Variants in ZNF669 observed in about 807,000 individuals in gnomAD.
The protein encoded by ZNF669 is zinc finger protein 669.
ZNF669 carries 7 observed loss-of-function variants against 11.4 expected under a neutral mutation model. The ratio of observed to expected loss-of-function variants is 0.62; its 90% CI spans 0.35 to 1.16. The LOEUF (loss-of-function observed/expected upper bound fraction) is 1.16, where lower values mean the gene tolerates loss of function less well. Ranked by LOEUF, ZNF669 falls within the 50% of genes most tolerant of loss-of-function variation. The pLI, the probability that ZNF669 is intolerant of heterozygous loss-of-function variation, is 0.02. For synonymous variants in ZNF669, 153 were observed against 155.8 expected (o/e 0.98, Z 0.13); for missense variants, 492 against 463.6 (o/e 1.06, Z -0.56).
Position 247,100,544 on chromosome 1 carries a change from C to T in ZNF669, c.967G>A (p.Glu323Lys), listed in dbSNP as rs781046361. 2.5e-5 allele frequency: 41 copies of T among 1,614,186 alleles called. No individual in the cohort carries two copies. Among genetic ancestry groups the T allele is most frequent in the Middle Eastern group, 3.3e-4 (2 of 6,058 alleles). ...GGTTTTTCTCCAGTATGAATTCTTTCGTGGAGGTGAAGGGAACTGAGGCGA... is the reference window on the plus strand; with the variant it reads ...GGTTTTTCTCCAGTATGAATTCTTTTGTGGAGGTGAAGGGAACTGAGGCGA... Reference protein sequence around the residue: ...FSRLSSLHLHERIHTGEKPYE... With the variant: ...FSRLSSLHLHKRIHTGEKPYE... The change falls in exon 4 of 4, where the codon GAA (glutamate) becomes AAA (lysine). Residue 323 changes from glutamate (E) to lysine (K), a missense_variant. Physicochemically the swap from Glu to Lys is moderately conservative, Grantham distance 56 (BLOSUM62 1). Coordinates refer to ENST00000448299, the MANE Select transcript of ZNF669 (RefSeq NM_001142572.2).
At chr1:247,103,117 C>T (rs1178306890) in intron 1 of ZNF669, among the ~76,000 whole-genome samples, 1 of 151,990 alleles carries the variant, frequency 6.6e-6, no homozygotes, top group Non-Finnish European at 1.5e-5. Context: ...GATTTTCAAC[C>T]AAAAATATTC....
chr1:247,102,043 T>G lies in ZNF669; in HGVS notation c.74A>C (p.Gln25Pro). Reference sequence around the variant, plus strand: ...CATCACTTCTCTGTAGAGATTCTTCTGAGAAGAATCTAGCAAAGCCCATTC... The same window carrying G: ...CATCACTTCTCTGTAGAGATTCTTCGGAGAAGAATCTAGCAAAGCCCATTC... ...QEEWALLDSSQKNLYREVMQE... is the reference protein window; with the variant it reads ...QEEWALLDSSPKNLYREVMQE... Residue 25 changes from glutamine to proline, a missense_variant, in exon 2 of 4, where the codon CAG becomes CCG. Physicochemically the swap from Gln to Pro is moderately conservative, Grantham distance 76. Coordinates refer to ENST00000448299, the MANE Select transcript of ZNF669 (RefSeq NM_001142572.2). The G allele has an allele frequency of 6.2e-7, 1 of 1,613,564 alleles. No individual in the cohort carries two copies. The highest frequency in any genetic ancestry group is 2.2e-5 in the East Asian group (1 of 44,880).
In ZNF669 at chr1:247,101,931, G is replaced by A. The variant is rs937028764; in HGVS notation, c.130+56C>T. The A allele has an allele frequency of 3.4e-5, 54 of 1,611,522 alleles. No individual in the cohort carries two copies. In the Admixed American group the frequency reaches 3.8e-4, roughly 11 times the overall value. Reference sequence around the variant, plus strand: ...CTTGCCACATTCCAAATCATAAATAGCACTGATGATAGGGAAAGACTTCTG... The same window carrying A: ...CTTGCCACATTCCAAATCATAAATAACACTGATGATAGGGAAAGACTTCTG... On this transcript the variant is annotated intron_variant, in intron 2 of 3. Transcript: ENST00000448299.
chr1:247,102,027 T>C lies in ZNF669; in HGVS notation c.90A>G (p.Arg30=). ...LLDSSQKNLY[R]EVMQETCRNL... The stretch of plus-strand genomic sequence containing the variant: ...TCCTGCAGGTTTCCTGCATCACTTC[T>C]CTGTAGAGATTCTTCTGAGAAGAAT... The change falls in exon 2 of 4, where the codon AGA becomes AGG. Residue 30 remains arginine (R), a synonymous_variant. Coordinates refer to ENST00000448299, the MANE Select transcript of ZNF669 (RefSeq NM_001142572.2). The C allele has an allele frequency of 6.2e-7, 1 of 1,613,868 alleles. No individual in the cohort carries two copies. The highest frequency in any genetic ancestry group is 8.5e-7 in the Non-Finnish European group (1 of 1,179,896).
chr1:247,102,146 G>A (rs1372601193), intron 1 of ZNF669, 33 bp from the exon 2 acceptor site: 2 of 1,546,092 alleles, frequency 1.3e-6, no homozygotes, highest in African/African-American at 1.4e-5. Flanking sequence ...ATAGAAGGAT[G>A]GGTGAGACTG....
Position 247,101,763 on chromosome 1 carries a change from T to G in ZNF669, c.159A>C (p.Glu53Asp), listed in dbSNP as rs138144212. 21 of 1,613,952 alleles carry G rather than the reference T, an allele frequency of 1.3e-5. No homozygotes were observed. The African/African-American group carries it at 2.5e-4, about 19-fold the overall frequency. ...CTTTCCCAGGTTTTTCGAAGTGATC[T>G]TCAATATTCTGGTCTTTCCATTGGC... ...VGSQWKDQNI[E>D]DHFEKPGKDI... The change falls in exon 3 of 4, where the codon GAA becomes GAC. Residue 53 changes from glutamate to aspartate, a missense_variant. Physicochemically the swap from Glu to Asp is conservative, Grantham distance 45. Transcript: ENST00000448299.
At chr1:247,101,364 T>A in intron 3 of ZNF669, 45 bp from the exon 4 acceptor site, 4 of 1,510,748 alleles carry the variant, frequency 2.6e-6, no homozygotes, top group Non-Finnish European at 3.5e-6. Context: ...GGTTTATTAA[T>A]AACTTTCTAC....
chr1:247,102,198 TG>T, intron 1 of ZNF669, 85 bp from the exon 2 acceptor site: 1 of 1,464,642 alleles, frequency 6.8e-7, no homozygotes, highest in East Asian at 2.3e-5. Flanking sequence ...GCTGTTTACA[TG>T]ATTTGATAAT....
In ZNF669 at chr1:247,100,867, G is replaced by C. The variant is rs1439262232; in HGVS notation, c.644C>G (p.Thr215Ser). Residue 215 changes from threonine to serine, a missense_variant, in exon 4 of 4, where the codon ACT becomes AGT. Thr to Ser is a moderately conservative substitution (Grantham distance 58). Coordinates refer to ENST00000448299, the MANE Select transcript of ZNF669 (RefSeq NM_001142572.2). ...CTTACATTCGTAGGGTTTCTCTCCAGTGTGAGTTCGTTCATGTATTAGACA... is the reference window on the plus strand; with the variant it reads ...CTTACATTCGTAGGGTTTCTCTCCACTGTGAGTTCGTTCATGTATTAGACA... ...GSCLIHERTH[T>S]GEKPYECKEC... is the part of the protein sequence containing the mutation. 13 of 1,614,058 alleles carry C rather than the reference G, an allele frequency of 8.1e-6. No homozygotes were observed. Among genetic ancestry groups the C allele is most frequent in the African/African-American group, 4.0e-5 (3 of 74,932 alleles).
At position 247,100,535 on chromosome 1, in the gene ZNF669, G is replaced by C; in HGVS notation, c.976C>G (p.His326Asp). ...LSSLHLHERI[H>D]TGEKPYECKK... ...CATTCATAGGGTTTTTCTCCAGTAT[G>C]AATTCTTTCGTGGAGGTGAAGGGAA... The change falls in exon 4 of 4, where the codon CAT becomes GAT. Residue 326 changes from histidine (H) to aspartate (D), a missense_variant. Coordinates refer to ENST00000448299, the MANE Select transcript of ZNF669 (RefSeq NM_001142572.2). 1 of 1,614,244 alleles carries C rather than the reference G, an allele frequency of 6.2e-7. No individual in the cohort carries two copies. The highest frequency in any genetic ancestry group is 8.5e-7 in the Non-Finnish European group (1 of 1,180,042).
At chr1:247,101,656 ATTGC>A (rs1671726672) in intron 3 of ZNF669, 71 bp downstream of exon 3, 24 of 1,377,502 alleles carry the variant, frequency 1.7e-5, no homozygotes, top group Non-Finnish European at 2.4e-5. Context: ...ATTTGTTTTG[ATTGC>A]TTGTTTTTAA....
chr1:247,101,830 A>C, intron 2 of ZNF669, 39 bp from the exon 3 acceptor site: 1 of 1,610,670 alleles, frequency 6.2e-7, no homozygotes, highest in Non-Finnish European at 8.5e-7. Context: ...GAATTATTAC[A>C]AACTGTAGAC....
chr1:247,104,203 T>C lies in ZNF669; in HGVS notation c.-4A>G, dbSNP rs1179720904. 6.6e-7 allele frequency: 1 copy of C among 1,514,788 alleles called. No homozygotes were observed. The highest frequency in any genetic ancestry group is 8.8e-7 in the Non-Finnish European group (1 of 1,132,836). The allele number at this position is 1,514,788 out of a possible 1,614,324, so 93.8% of individuals were successfully genotyped here. On this transcript the variant is annotated 5_prime_UTR_variant, in exon 1 of 4. Transcript: ENST00000448299. The stretch of plus-strand genomic sequence containing the variant: ...CCAGGCGCAGTCCACTCACCATTCC[T>C]CGGCTTCCCGGGTGTCCTGGCGTCA...
At position 247,104,332 on chromosome 1, in the gene ZNF669, G is replaced by C. The variant is rs1671800307; in HGVS notation, c.-133C>G. Reference sequence around the variant, plus strand: ...AACTAGCAGCGGAGACTAACAGGAAGAGCCGGCTCCGGCGAAGGAGAGACA... The same window carrying C: ...AACTAGCAGCGGAGACTAACAGGAACAGCCGGCTCCGGCGAAGGAGAGACA... On this transcript the variant is annotated 5_prime_UTR_variant, in exon 1 of 4. Coordinates refer to ENST00000448299, the MANE Select transcript of ZNF669 (RefSeq NM_001142572.2). 1 of 1,260,866 alleles carries C rather than the reference G, an allele frequency of 7.9e-7. No individual in the cohort carries two copies. The highest frequency in any genetic ancestry group is 1.0e-6 in the Non-Finnish European group (1 of 962,652). 78.1% of individuals were successfully genotyped at this position (1,260,866 alleles called of 1,614,324 possible). A position where few individuals can be genotyped will look rare whatever the true frequency, so the allele number is the denominator to read the frequency against.
chr1:247,102,340 C>T (rs1277798827), intron 1 of ZNF669, among the ~76,000 whole-genome samples: 1 of 152,240 alleles, frequency 6.6e-6, no homozygotes, highest in African/African-American at 2.4e-5. Context: ...AAATACCCAT[C>T]TCATTAGAGA....
intron 1 of ZNF669, chr1:247,103,925 G>A: frequency 6.3e-7 from 1 of 1,589,238 alleles, no homozygotes; most frequent in Non-Finnish European, 8.5e-7. Flanking sequence ...ACCCTCCCGT[G>A]GTCACCACAC....
intron 3 of ZNF669, 65 bp from the exon 4 acceptor site, chr1:247,101,384 G>C: frequency 6.8e-7 from 1 of 1,475,350 alleles, no homozygotes; most frequent in Non-Finnish European, 9.0e-7. Flanking sequence ...CTTATTAATA[G>C]GTCTTGGACT....
rs771551215 is a variant in ZNF669, at chr1:247,101,127, G to A, written c.384C>T (p.Tyr128=). ...TATATTGCTTCTCTCCATATGGTTT[G>A]TATCCTGAGTGAGCTAGGATATGCC... The part of the protein sequence containing the change: ...LNRHILAHSG[Y]KPYGEKQYKC... Residue 128 remains tyrosine, a synonymous_variant, in exon 4 of 4, where the codon TAC becomes TAT. Coordinates refer to ENST00000448299, the MANE Select transcript of ZNF669 (RefSeq NM_001142572.2). 5 of 1,613,950 alleles carry A rather than the reference G, an allele frequency of 3.1e-6. No homozygotes were observed. In the South Asian group the frequency reaches 5.5e-5, roughly 18 times the overall value.
intron 3 of ZNF669, 67 bp from the exon 4 acceptor site, chr1:247,101,386 T>A: frequency 1.4e-6 from 2 of 1,479,822 alleles, no homozygotes; most frequent in Non-Finnish European, 1.8e-6. Flanking sequence ...TATTAATAGG[T>A]CTTGGACTTA....
Sources: gnomAD v4.1 joint callset for allele counts (sites outside exome capture counted in the v4.1 genomes callset) on GRCh38, gnomAD v4.1.1 for gene constraint, MANE v1.5 for transcripts, NCBI Gene and HGNC (gene_info 2026-07-23, HGNC 2026-07-21) for gene names.